SPAG9: variants seen among roughly 807,000 people sequenced by gnomAD.
The protein encoded by SPAG9 is C-Jun-amino-terminal kinase-interacting protein 4.
Under a neutral mutation model 166.5 loss-of-function variants are expected in SPAG9, and 35 were observed. The ratio of observed to expected loss-of-function variants is 0.21; its 90% CI spans 0.16 to 0.28. The LOEUF (loss-of-function observed/expected upper bound fraction) is 0.28, where lower values mean the gene tolerates loss of function less well. Ranked by LOEUF, SPAG9 falls within the 10% of genes least tolerant of loss-of-function variation. The pLI is 1.00. For synonymous variants in SPAG9, 534 were observed against 565.5 expected (o/e 0.94, Z 0.79); for missense variants, 1,235 against 1,603.3 (o/e 0.77, Z 3.92).
At chr17:51,004,856 ACT>A (rs2045132040) in intron 12 of SPAG9, among the ~76,000 whole-genome samples, 1 of 152,218 alleles carries the variant, frequency 6.6e-6, no homozygotes, top group Admixed American at 6.5e-5. Context: ...TCTTTTTAAT[ACT>A]GTTAAATAAT....
chr17:51,062,813 C>T (rs1170276268), intron 2 of SPAG9, among the ~76,000 whole-genome samples: 1 of 152,118 alleles, frequency 6.6e-6, no homozygotes, highest in Non-Finnish European at 1.5e-5. Flanking sequence ...TGGTCTCGAA[C>T]TCCTGACCTC....
intron 27 of SPAG9, among the ~76,000 whole-genome samples, chr17:50,976,420 C>G (rs553500328): frequency 6.6e-6 from 1 of 152,206 alleles, no homozygotes; most frequent in Non-Finnish European, 1.5e-5. Context: ...TTAAAGGCTT[C>G]CGAAATACCT....
chr17:51,077,490 T>C (rs145919032), intron 2 of SPAG9, among the ~76,000 whole-genome samples: 1 of 152,296 alleles, frequency 6.6e-6, no homozygotes, highest in Non-Finnish European at 1.5e-5. Context: ...TTAAATTTTC[T>C]TTCTTGAACA....
chr17:51,037,111 T>A (rs2046616606), intron 5 of SPAG9, among the ~76,000 whole-genome samples: 1 of 152,098 alleles, frequency 6.6e-6, no homozygotes, highest in African/African-American at 2.4e-5. Context: ...CTATTATTAT[T>A]CATTATTTTT....
intron 2 of SPAG9, among the ~76,000 whole-genome samples, chr17:51,077,049 T>TCTAGCTAGCTAGCTATCTAG (rs367746645): frequency 1.4e-5 from 1 of 71,648 alleles, no homozygotes. Context: ...TATCTAGCTA[T>TCTAGCTAGCTAGCTATCTAG]CTAGCTAGCT....
chr17:51,032,037 T>A, intron 5 of SPAG9: 1 of 470,484 alleles, frequency 2.1e-6, no homozygotes, highest in Non-Finnish European at 4.1e-6. Context: ...TTCCAGTCCC[T>A]TTGACTATTT....
At chr17:51,093,694 C>CAAAAAAA (rs57010523) in intron 1 of SPAG9, among the ~76,000 whole-genome samples, 8 of 72,534 alleles carry the variant, frequency 1.1e-4, no homozygotes, top group African/African-American at 1.1e-4. Flanking sequence ...GACTCCGTCT[C>CAAAAAAA]AAAAAAAAAA....
At chr17:51,090,786 T>C (rs2048444053) in intron 1 of SPAG9, among the ~76,000 whole-genome samples, 1 of 152,186 alleles carries the variant, frequency 6.6e-6, no homozygotes, top group Admixed American at 6.5e-5. Flanking sequence ...AATACCAACA[T>C]AGGATAACAG....
chr17:51,032,985 T>C (rs970326586), intron 5 of SPAG9, among the ~76,000 whole-genome samples: 2 of 151,462 alleles, frequency 1.3e-5, no homozygotes, highest in Non-Finnish European at 2.9e-5. Flanking sequence ...CATGATTCAC[T>C]TTGTAGGAAT....
chr17:51,037,685 A>ATATATATATATAGT lies in SPAG9; in HGVS notation c.741+3815_741+3816insACTATATATATATA. Among the ~76,000 whole-genome samples the ATATATATATATAGT allele has an allele frequency of 6.0e-3, 498 of 83,402 alleles. 4 individuals carry two copies. Among genetic ancestry groups the ATATATATATATAGT allele is most frequent in the African/African-American group, 0.013 (321 of 25,482 alleles). The allele number at this position is 83,402 out of a possible 152,430, so 54.7% of individuals were successfully genotyped here. On this transcript the variant is annotated intron_variant, in intron 5 of 29. Transcript: ENST00000262013. ...GTGTTTTATATATATATATATATATAGTGTGTGTGTGTGTGTGTGTGTGTG... is the reference window on the plus strand; with the variant it reads ...GTGTTTTATATATATATATATATATATATATATATATAGTGTGTGTGTGTGTGTGTGTGTGTGTG...
At chr17:51,047,226 G>T in intron 4 of SPAG9, 149 bp downstream of exon 4, 2 of 553,556 alleles carry the variant, frequency 3.6e-6, no homozygotes, top group Non-Finnish European at 3.1e-6. Flanking sequence ...ACTTTTCTGT[G>T]CTATTCTCTC....
chr17:51,038,041 A>C (rs1176994166), intron 5 of SPAG9, among the ~76,000 whole-genome samples: 1 of 152,164 alleles, frequency 6.6e-6, no homozygotes, highest in African/African-American at 2.4e-5. Context: ...GAGGACAATC[A>C]ACAGGGTGTT....
chr17:50,985,085 A>G, intron 23 of SPAG9, 95 bp from the exon 24 acceptor site: 3 of 991,966 alleles, frequency 3.0e-6, no homozygotes, highest in Non-Finnish European at 4.8e-6. Context: ...CAAAGGGCCA[A>G]TCTGTGATGA....
chr17:51,074,108 C>T (rs926803543), intron 2 of SPAG9, among the ~76,000 whole-genome samples: 86 of 152,240 alleles, frequency 5.6e-4, no homozygotes, highest in African/African-American at 2.0e-3. Context: ...TGGTGGCGGG[C>T]GCCTGTAGTC....
At chr17:51,099,637 G>A (rs1214072530) in intron 1 of SPAG9, among the ~76,000 whole-genome samples, 1 of 151,294 alleles carries the variant, frequency 6.6e-6, no homozygotes, top group South Asian at 2.1e-4. Context: ...ACACAGTTAT[G>A]TGCTTCTGTA....
rs374642554 is a variant in SPAG9, at chr17:51,041,529, C to T, written c.713G>A (p.Ser238Asn). The change falls in exon 5 of 30, where the codon AGT becomes AAT. Residue 238 changes from serine (S) to asparagine (N), a missense_variant. By Grantham distance (46) the Ser-to-Asn change is conservative. Around this residue, in one of 6 missense-constraint regions of SPAG9, gnomAD observed 288 missense variants for 323.7 expected, o/e 0.89. Coordinates refer to ENST00000262013, the MANE Select transcript of SPAG9 (RefSeq NM_001130528.3). ...GSEQWKFQEL[S>N]QPRSHTSLKV... ...CAGGCTGGTATGAGAACGTGGTTGA[C>T]TTAATTCCTGAAATTTCCATTGCTC... 226 of 1,613,836 alleles carry T rather than the reference C, an allele frequency of 1.4e-4. No homozygotes were observed. Among genetic ancestry groups the T allele is most frequent in the Non-Finnish European group, 1.8e-4 (215 of 1,179,904 alleles).
intron 4 of SPAG9, 45 bp from the exon 5 acceptor site, chr17:51,041,696 C>T: frequency 6.3e-7 from 1 of 1,591,102 alleles, no homozygotes; most frequent in East Asian, 2.2e-5. Context: ...TTTATTTTGA[C>T]TTTTTATTTG....
At chr17:51,062,011 C>A (rs2047532130) in intron 2 of SPAG9, among the ~76,000 whole-genome samples, 2 of 152,054 alleles carry the variant, frequency 1.3e-5, no homozygotes, top group African/African-American at 4.8e-5. Flanking sequence ...ACATACATAT[C>A]TATATTTTTT....
At chr17:50,971,332 A>G (rs902838074) in intron 28 of SPAG9, among the ~76,000 whole-genome samples, 1 of 151,914 alleles carries the variant, frequency 6.6e-6, no homozygotes, top group African/African-American at 2.4e-5. Flanking sequence ...AAACAAACAA[A>G]CAAACAAACA....
Sources: gnomAD v4.1 joint callset for allele counts (sites outside exome capture counted in the v4.1 genomes callset) on GRCh38, gnomAD v4.1.1 for gene constraint, gnomAD v4.1.1 regional missense constraint, MANE v1.5 for transcripts, NCBI Gene and HGNC (gene_info 2026-07-23, HGNC 2026-07-21) for gene names.